The following CERS3 variants were observed in gnomAD, a reference collection of about 807,000 sequenced individuals.
CERS3 encodes ceramide synthase 3.
A neutral mutation model predicts 50.3 loss-of-function variants in CERS3; 33 were observed. The observed-to-expected ratio is 0.66, with a 90% CI of 0.50 to 0.88. The LOEUF is 0.88. CERS3 is among the 40% of genes least tolerant of loss of function. The probability of loss-of-function intolerance (pLI) is 0.00; values close to 1 mark genes in which losing one functional copy is unlikely to be tolerated. For missense variants in CERS3, 470 were observed against 460.3 expected, an observed-to-expected ratio of 1.02 and a Z score of -0.19; for synonymous variants, 176 against 155.2, an observed-to-expected ratio of 1.13 and a Z score of -0.99.
At chr15:100,543,470 C>T (rs2037250475) in intron 1 of CERS3, among the ~76,000 whole-genome samples, 1 of 151,502 alleles carries the variant, frequency 6.6e-6, no homozygotes, top group Non-Finnish European at 1.5e-5. Context: ...TGAACTATGA[C>T]CACAAGAGAA....
chr15:100,491,788 C>G (rs961666790), intron 3 of CERS3, among the ~76,000 whole-genome samples: 49 of 152,142 alleles, frequency 3.2e-4, no homozygotes, highest in Middle Eastern at 3.4e-3. Context: ...CAAGTATTTG[C>G]AAATTTACCT....
chr15:100,498,448 G>A (rs1384333846), intron 3 of CERS3, among the ~76,000 whole-genome samples: 1 of 152,080 alleles, frequency 6.6e-6, no homozygotes, highest in African/African-American at 2.4e-5. Flanking sequence ...AGATTAGCTT[G>A]CCAGCTAGCT....
chr15:100,492,454 G>A (rs2035682469), intron 3 of CERS3, among the ~76,000 whole-genome samples: 1 of 152,028 alleles, frequency 6.6e-6, no homozygotes, highest in Non-Finnish European at 1.5e-5. Flanking sequence ...ATTATAAAAT[G>A]TCCTTTGTCT....
At chr15:100,465,100 G>A (rs2034670526) in intron 10 of CERS3, among the ~76,000 whole-genome samples, 1 of 152,090 alleles carries the variant, frequency 6.6e-6, no homozygotes, top group Non-Finnish European at 1.5e-5. Flanking sequence ...CACAACCCCA[G>A]TTAGCTTTCG....
intron 11 of CERS3, among the ~76,000 whole-genome samples, chr15:100,450,924 C>A (rs548310488): frequency 3.3e-5 from 5 of 152,192 alleles, no homozygotes; most frequent in African/African-American, 9.6e-5. Context: ...GGGGGGGAAC[C>A]TGTTAGCCAA....
At chr15:100,466,615 G>A (rs1017053523) in intron 10 of CERS3, among the ~76,000 whole-genome samples, 16 of 151,762 alleles carry the variant, frequency 1.1e-4, no homozygotes, top group Non-Finnish European at 2.2e-4. Context: ...GGTGCCATGC[G>A]ATGAGGAGGC....
intron 11 of CERS3, among the ~76,000 whole-genome samples, chr15:100,447,690 G>C (rs2033994936): frequency 1.3e-5 from 2 of 152,134 alleles, no homozygotes; most frequent in African/African-American, 2.4e-5. Flanking sequence ...AACATTTCCT[G>C]GTCCCTTGAG....
intron 4 of CERS3, among the ~76,000 whole-genome samples, chr15:100,485,514 C>T (rs2035457692): frequency 1.3e-5 from 2 of 152,294 alleles, no homozygotes; most frequent in South Asian, 2.1e-4. Flanking sequence ...ACCTTCTCCA[C>T]GTCTACAAAG....
chr15:100,419,114 C>A, intron 11 of CERS3, among the ~76,000 whole-genome samples: 1 of 101,694 alleles, frequency 9.8e-6, no homozygotes, highest in African/African-American at 3.4e-5. Flanking sequence ...ACTAAATGCT[C>A]CAATTAAAAG....
intron 11 of CERS3, among the ~76,000 whole-genome samples, chr15:100,447,437 C>T (rs527329669): frequency 6.6e-6 from 1 of 152,316 alleles, no homozygotes; most frequent in South Asian, 2.1e-4. Flanking sequence ...TTATATCTCC[C>T]TAAAATGTCT....
intron 11 of CERS3, among the ~76,000 whole-genome samples, chr15:100,419,740 C>T (rs1248835589): frequency 6.6e-6 from 1 of 150,948 alleles, no homozygotes; most frequent in African/African-American, 2.4e-5. Context: ...ATCTCTCAGA[C>T]CACAGTGCAA....
chr15:100,488,428 T>G (rs1457072361), intron 4 of CERS3, among the ~76,000 whole-genome samples: 1 of 152,222 alleles, frequency 6.6e-6, no homozygotes, highest in Non-Finnish European at 1.5e-5. Flanking sequence ...AGTACAAAAC[T>G]GTTTTTCATC....
At chr15:100,495,552 C>A (rs2035785405) in intron 3 of CERS3, among the ~76,000 whole-genome samples, 1 of 152,132 alleles carries the variant, frequency 6.6e-6, no homozygotes, top group African/African-American at 2.4e-5. Context: ...AGCATCTTTC[C>A]ATGTGCTTGT....
intron 8 of CERS3, among the ~76,000 whole-genome samples, chr15:100,475,179 C>A (rs1217726677): frequency 6.6e-6 from 1 of 152,126 alleles, no homozygotes; most frequent in Non-Finnish European, 1.5e-5. Context: ...CTACAGCTAT[C>A]ATTGAGTTAC....
intron 2 of CERS3, among the ~76,000 whole-genome samples, chr15:100,504,370 A>G (rs1327119505): frequency 2.0e-5 from 3 of 151,410 alleles, no homozygotes; most frequent in Non-Finnish European, 2.9e-5. Flanking sequence ...CAGCCTCCCA[A>G]GTAGCTGGGA....
chr15:100,479,909 T>C (rs2035247505), intron 6 of CERS3, 80 bp downstream of exon 6: 1 of 1,011,388 alleles, frequency 9.9e-7, no homozygotes, highest in South Asian at 1.4e-5. Flanking sequence ...TTGAAAGTAC[T>C]ATACCCTAAA....
At chr15:100,472,521 A>G (rs1567643708) in intron 9 of CERS3, among the ~76,000 whole-genome samples, 1 of 152,164 alleles carries the variant, frequency 6.6e-6, no homozygotes, top group Non-Finnish European at 1.5e-5. Context: ...GGGGAGTGTG[A>G]ACATTCAACG....
chr15:100,488,948 T>C (rs923313667), intron 4 of CERS3, among the ~76,000 whole-genome samples: 4 of 152,170 alleles, frequency 2.6e-5, no homozygotes, highest in Admixed American at 6.5e-5. Flanking sequence ...AGCTAATTTT[T>C]GTATTTTTAG....
intron 11 of CERS3, among the ~76,000 whole-genome samples, chr15:100,406,544 C>T (rs901957564): frequency 9.9e-5 from 15 of 152,088 alleles, no homozygotes; most frequent in African/African-American, 3.4e-4. Flanking sequence ...TCCACAACAC[C>T]ACAGAAAGGG....
Sources: gnomAD v4.1 joint callset for allele counts (sites outside exome capture counted in the v4.1 genomes callset) on GRCh38, gnomAD v4.1.1 for gene constraint, MANE v1.5 for transcripts, NCBI Gene and HGNC (gene_info 2026-07-23, HGNC 2026-07-21) for gene names.